MEI4: variants seen among roughly 807,000 people sequenced by gnomAD.
The protein encoded by MEI4 is meiosis-specific protein MEI4.
A neutral mutation model predicts 31.4 loss-of-function variants in MEI4; 27 were observed. The observed-to-expected ratio is 0.86, with a 90% CI of 0.63 to 1.19. MEI4 has a LOEUF of 1.19. Ranked by LOEUF, MEI4 falls within the 50% of genes most tolerant of loss-of-function variation. The pLI, the probability that MEI4 is intolerant of heterozygous loss-of-function variation, is 0.00. For synonymous variants in MEI4, 122 were observed against 145.4 expected (o/e 0.84, Z 1.16); for missense variants, 329 against 398.9 (o/e 0.82, Z 1.49).
chr6:77,809,156 T>C (rs1769511618), intron 3 of MEI4, among the ~76,000 whole-genome samples: 1 of 152,318 alleles, frequency 6.6e-6, no homozygotes, highest in South Asian at 2.1e-4. Flanking sequence ...ACATAATTAT[T>C]GAACATCTAC....
chr6:77,922,402 C>T (rs1392158228), intron 4 of MEI4, among the ~76,000 whole-genome samples: 1 of 151,670 alleles, frequency 6.6e-6, no homozygotes, highest in Non-Finnish European at 1.5e-5. Context: ...CATAGGGCTT[C>T]TGACACATTT....
chr6:77,852,957 G>A (rs1770664069), intron 4 of MEI4, among the ~76,000 whole-genome samples: 1 of 152,142 alleles, frequency 6.6e-6, no homozygotes, highest in Non-Finnish European at 1.5e-5. Context: ...CCAGCACTTT[G>A]GGAGGCCGAG....
chr6:77,841,557 G>T (rs1350447301), intron 4 of MEI4, among the ~76,000 whole-genome samples: 1 of 151,234 alleles, frequency 6.6e-6, no homozygotes, highest in Non-Finnish European at 1.5e-5. Context: ...GGCCAGGCTG[G>T]TCTCAGACTC....
At chr6:77,665,496 A>G (rs1768612890) in intron 1 of MEI4, among the ~76,000 whole-genome samples, 1 of 151,942 alleles carries the variant, frequency 6.6e-6, no homozygotes, top group African/African-American at 2.4e-5. Context: ...AAAGCAGAGA[A>G]GGGATAGAGA....
chr6:77,654,031 C>G (rs1768344455), intron 1 of MEI4, among the ~76,000 whole-genome samples: 1 of 152,188 alleles, frequency 6.6e-6, no homozygotes, highest in Non-Finnish European at 1.5e-5. Context: ...GCAGGCCATA[C>G]TGTTTCTGTT....
chr6:77,654,155 G>T (rs189227940), intron 1 of MEI4, among the ~76,000 whole-genome samples: 1 of 152,252 alleles, frequency 6.6e-6, no homozygotes, highest in Non-Finnish European at 1.5e-5. Context: ...TTCAGCCTGT[G>T]GGCCAGTTTT....
chr6:77,761,023 G>A lies in MEI4; in HGVS notation c.233-107G>A, dbSNP rs866092735. 6.4e-5 allele frequency: 47 copies of A among 737,918 alleles called. No individual in the cohort carries two copies. The Middle Eastern group carries it at 1.8e-3, about 28-fold the overall frequency. 45.7% of individuals were successfully genotyped at this position (737,918 alleles called of 1,614,324 possible). ...CTACTGCTTGTTAAATGCTTAATGT[G>A]TATTTATATACTTCATTTCTTATTT... On this transcript the variant is annotated intron_variant, in intron 2 of 4. Coordinates refer to ENST00000684080, the MANE Select transcript of MEI4 (RefSeq NM_001322247.2).
intron 3 of MEI4, among the ~76,000 whole-genome samples, chr6:77,787,832 T>G (rs1768785730): frequency 6.6e-6 from 1 of 152,022 alleles, no homozygotes; most frequent in African/African-American, 2.4e-5. Context: ...ATGAACAAAA[T>G]TAGAAGTCAA....
At chr6:77,720,498 A>G (rs1238846032) in intron 2 of MEI4, among the ~76,000 whole-genome samples, 2 of 129,878 alleles carry the variant, frequency 1.5e-5, no homozygotes, top group Admixed American at 7.8e-5. Flanking sequence ...AGTTGCCCAT[A>G]TGAAATGTGA....
chr6:77,764,582 C>T (rs1273366052), intron 3 of MEI4, among the ~76,000 whole-genome samples: 1 of 152,120 alleles, frequency 6.6e-6, no homozygotes, highest in Non-Finnish European at 1.5e-5. Flanking sequence ...AAACAGCTGA[C>T]TTGAACAACA....
At chr6:77,703,237 G>A (rs777939075) in intron 2 of MEI4, among the ~76,000 whole-genome samples, 2 of 152,154 alleles carry the variant, frequency 1.3e-5, no homozygotes, top group Non-Finnish European at 2.9e-5. Context: ...TTGCCAATCT[G>A]TAGTTTCTAG....
intron 3 of MEI4, among the ~76,000 whole-genome samples, chr6:77,780,268 TATC>T (rs2127690393): frequency 6.6e-6 from 1 of 152,330 alleles, no homozygotes; most frequent in Admixed American, 6.5e-5. Context: ...TAAGGGAGTT[TATC>T]TAAAGAGCTT....
At chr6:77,745,262 A>C (rs1767561519) in intron 2 of MEI4, among the ~76,000 whole-genome samples, 1 of 152,174 alleles carries the variant, frequency 6.6e-6, no homozygotes, top group African/African-American at 2.4e-5. Context: ...TCAAAATAAA[A>C]GGATGGAGGA....
intron 3 of MEI4, among the ~76,000 whole-genome samples, chr6:77,809,629 C>T (rs2127704381): frequency 6.6e-6 from 1 of 152,128 alleles, no homozygotes; most frequent in African/African-American, 2.4e-5. Context: ...AGGGAGTATA[C>T]CTAGAGTTAC....
chr6:77,703,955 A>G (rs759720029), intron 2 of MEI4, among the ~76,000 whole-genome samples: 50 of 152,218 alleles, frequency 3.3e-4, no homozygotes, highest in Non-Finnish European at 5.3e-4. Context: ...AGAGAGTGCA[A>G]ATGGAAGGAC....
chr6:77,828,973 G>C lies in MEI4; in HGVS notation c.811G>C (p.Gly271Arg). 5 of 1,232,166 alleles carry C rather than the reference G, an allele frequency of 4.1e-6. No homozygotes were observed. The highest frequency in any genetic ancestry group is 5.1e-6 in the Non-Finnish European group (5 of 987,896). The allele number at this position is 1,232,166 out of a possible 1,614,324, so 76.3% of individuals were successfully genotyped here. Residue 271 changes from glycine (G) to arginine (R), a missense_variant, in exon 4 of 5, where the codon GGA (glycine) becomes CGA (arginine). Transcript: ENST00000684080. ...HYVSQSLVTL[G>R]NCSLLRKSII... The stretch of plus-strand genomic sequence containing the variant: ...TGTCTCTCAGAGTCTGGTTACCTTG[G>C]GAAATTGCAGCTTGTTGAGAAAATC...
intron 4 of MEI4, among the ~76,000 whole-genome samples, chr6:77,876,625 TA>T (rs1490160146): frequency 2.0e-5 from 3 of 152,198 alleles, no homozygotes; most frequent in Non-Finnish European, 4.4e-5. Context: ...AGGTATCAAG[TA>T]TCTAGCACAA....
At chr6:77,840,275 A>G (rs1220048666) in intron 4 of MEI4, among the ~76,000 whole-genome samples, 2 of 152,226 alleles carry the variant, frequency 1.3e-5, no homozygotes, top group Non-Finnish European at 2.9e-5. Flanking sequence ...GTCAGTGTAC[A>G]TGAAGACAGG....
At chr6:77,919,431 A>G (rs1656327980) in intron 4 of MEI4, among the ~76,000 whole-genome samples, 1 of 152,124 alleles carries the variant, frequency 6.6e-6, no homozygotes, top group Non-Finnish European at 1.5e-5. Context: ...CCAGAAATAA[A>G]GATGTTCTTT....
Sources: allele counts gnomAD v4.1 joint callset (sites outside exome capture counted in the v4.1 genomes callset), GRCh38; gene constraint gnomAD v4.1.1; transcripts MANE v1.5; gene names NCBI Gene and HGNC (gene_info 2026-07-23, HGNC 2026-07-21).